The following RYR1 variants were observed in gnomAD, a reference collection of about 807,000 sequenced individuals.
RYR1 encodes central core disease of muscle.
A neutral mutation model predicts 583.5 loss-of-function variants in RYR1; 342 were observed. The ratio of observed to expected loss-of-function variants is 0.59; its 90% CI spans 0.54 to 0.64. RYR1 has a LOEUF of 0.64. RYR1 is among the 30% of genes least tolerant of loss of function. The pLI is 0.00. For synonymous variants in RYR1, 2,791 were observed against 2,822.5 expected, an observed-to-expected ratio of 0.99 and a Z score of 0.35; for missense variants, 6,032 against 6,917.2, an observed-to-expected ratio of 0.87 and a Z score of 4.54.
chr19:38,510,796 A>G lies in RYR1; in HGVS notation c.9122+15A>G, dbSNP rs1056538498. On this transcript the variant is annotated intron_variant, in intron 60 of 105. Transcript: ENST00000359596. ...ATGATCACCAGGTGGGCCGCCTGTG[A>G]CCCTGGACCCAGCCCCCTGACCTCA... 6.2e-7 allele frequency: 1 copy of G among 1,613,982 alleles called. No individual in the cohort carries two copies. Among genetic ancestry groups the G allele is most frequent in the East Asian group, 2.2e-5 (1 of 44,890 alleles).
chr19:38,507,585 G>T, intron 57 of RYR1, 127 bp from the exon 58 acceptor site: 1 of 727,740 alleles, frequency 1.4e-6, no homozygotes, highest in Non-Finnish European at 2.5e-6. Context: ...TCAGAGTGGA[G>T]CCCCAACCTG....
In RYR1 at chr19:38,457,649, G is replaced by A. The variant is rs764074598; in HGVS notation, c.1925+19G>A. On this transcript the variant is annotated intron_variant, in intron 17 of 105. Transcript: ENST00000359596. The stretch of plus-strand genomic sequence containing the variant: ...TCACCAGGTCTGGCTCTCAACATCT[G>A]ACCCCAGAACTCAGAACCTCTCAAC... The A allele has an allele frequency of 3.1e-5, 50 of 1,613,434 alleles. No homozygotes were observed. The highest frequency in any genetic ancestry group is 3.3e-4 in the Middle Eastern group (2 of 6,084).
intron 70 of RYR1, 38 bp from the exon 71 acceptor site, chr19:38,525,294 T>C (rs755868868): frequency 1.3e-6 from 2 of 1,568,542 alleles, no homozygotes; most frequent in Non-Finnish European, 1.7e-6. Flanking sequence ...GGCATGGGAT[T>C]GGGGCTTGGG....
chr19:38,457,392 C>T (rs1967469164), intron 16 of RYR1, 105 bp from the exon 17 acceptor site: 2 of 1,529,734 alleles, frequency 1.3e-6, no homozygotes, highest in Admixed American at 3.3e-5. Flanking sequence ...CACATCTTAT[C>T]CCGATGCGCT....
At chr19:38,510,400 C>A in intron 58 of RYR1, 98 bp from the exon 59 acceptor site, 1 of 1,171,830 alleles carries the variant, frequency 8.5e-7, no homozygotes, top group Non-Finnish European at 1.3e-6. Context: ...CTTTATCCCC[C>A]ATCATTTCCC....
chr19:38,536,667 CATTG>C, intron 82 of RYR1, 79 bp from the exon 83 acceptor site: 1 of 1,497,310 alleles, frequency 6.7e-7, no homozygotes, highest in Admixed American at 1.7e-5. Flanking sequence ...CCCTGACTGT[CATTG>C]TGTGTGTTTG....
chr19:38,453,094 C>T, intron 13 of RYR1, 80 bp downstream of exon 13: 2 of 1,362,326 alleles, frequency 1.5e-6, no homozygotes, highest in South Asian at 1.2e-5. Context: ...CGGCGCTGGG[C>T]GGGGCAGGGC....
chr19:38,537,360 C>T (rs1356152837), intron 83 of RYR1, among the ~76,000 whole-genome samples: 2 of 152,138 alleles, frequency 1.3e-5, no homozygotes, highest in Non-Finnish European at 2.9e-5. Flanking sequence ...GTTTACACGC[C>T]TCCCCTGTGC....
rs1555777043 is a variant in RYR1 at position 38,477,708 on chromosome 19, A to G, written c.4294-2A>G. On this transcript the variant is annotated splice_acceptor_variant, in intron 29 of 105. Coordinates refer to ENST00000359596, the MANE Select transcript of RYR1 (RefSeq NM_000540.3). LOFTEE classifies it high-confidence loss of function. Reference sequence around the variant, plus strand: ...CACTAGTTCCCCTCCTTGTGTCACCAGTACTATTACTCCGTGAGGGTCTTT... The same window carrying G: ...CACTAGTTCCCCTCCTTGTGTCACCGGTACTATTACTCCGTGAGGGTCTTT... The G allele has an allele frequency of 6.2e-7, 1 of 1,614,052 alleles. No individual in the cohort carries two copies. The highest frequency in any genetic ancestry group is 8.5e-7 in the Non-Finnish European group (1 of 1,180,006).
chr19:38,586,239 A>T lies in RYR1; in HGVS notation c.14969+48A>T, dbSNP rs774888250. ...CAGGAGGGTGGGGGGCATGGCTGCC[A>T]ATAGCCAGCAGTGGGGTACTTAGCT... On this transcript the variant is annotated intron_variant, in intron 104 of 105. Transcript: ENST00000359596. 7.8e-6 allele frequency: 12 copies of T among 1,543,338 alleles called. No homozygotes were observed. In the Admixed American group the frequency reaches 1.9e-4, roughly 24 times the overall value.
chr19:38,500,129 G>T lies in RYR1; in HGVS notation c.7323+113G>T. On this transcript the variant is annotated intron_variant, in intron 45 of 105. Coordinates refer to ENST00000359596, the MANE Select transcript of RYR1 (RefSeq NM_000540.3). This position sits in a 1 kb window ranked among gnomAD's most constrained non-coding sequence, Gnocchi z 5.9. ...GAGCTCCCATATGTGGGTGGTCCTG[G>T]ACTAGCAATGTTGGGGACACAACAG... 1 of 929,452 alleles carries T rather than the reference G, an allele frequency of 1.1e-6. No homozygotes were observed. Among genetic ancestry groups the T allele is most frequent in the South Asian group, 1.4e-5 (1 of 72,266 alleles). 57.6% of individuals were successfully genotyped at this position (929,452 alleles called of 1,614,324 possible). A position where few individuals can be genotyped will look rare whatever the true frequency, so the allele number is the denominator to read the frequency against.
chr19:38,562,778 C>T (rs564835914), intron 90 of RYR1, among the ~76,000 whole-genome samples: 4 of 152,332 alleles, frequency 2.6e-5, no homozygotes, highest in African/African-American at 9.6e-5. Flanking sequence ...CCACGTCCAC[C>T]GTGCACACTG....
chr19:38,522,840 C>T (rs919207210), intron 67 of RYR1, among the ~76,000 whole-genome samples, 188 bp from the exon 68 acceptor site: 4 of 151,130 alleles, frequency 2.6e-5, no homozygotes, highest in East Asian at 2.0e-4. Flanking sequence ...GTCCCAGCTA[C>T]TCGGGAGGCT....
At chr19:38,536,713 C>G (rs762639986) in intron 82 of RYR1, 37 bp from the exon 83 acceptor site, 2 of 1,613,604 alleles carry the variant, frequency 1.2e-6, no homozygotes, top group Admixed American at 1.7e-5. Context: ...TCTCTCTTTT[C>G]TCCTGCTTCC....
At chr19:38,497,011 G>T (rs957506878) in intron 42 of RYR1, 57 bp downstream of exon 42, 29 of 1,465,814 alleles carry the variant, frequency 2.0e-5, no homozygotes, top group Non-Finnish European at 2.7e-5. Flanking sequence ...CCGCTACCCG[G>T]CTGCTTGGGA....
At chr19:38,524,129 G>A (rs1231874831) in intron 70 of RYR1, among the ~76,000 whole-genome samples, 200 bp downstream of exon 70, 3 of 131,244 alleles carry the variant, frequency 2.3e-5, no homozygotes, top group African/African-American at 5.7e-5. Flanking sequence ...TCAGCTTTTG[G>A]CAATTTGACT....
intron 34 of RYR1, among the ~76,000 whole-genome samples, chr19:38,487,022 C>G (rs1274681412): frequency 3.3e-5 from 5 of 152,174 alleles, no homozygotes; most frequent in African/African-American, 1.2e-4. Context: ...TCTACCATTC[C>G]ATCTGTTCAT....
intron 9 of RYR1, 71 bp downstream of exon 9, chr19:38,446,839 G>T: frequency 8.2e-7 from 1 of 1,212,860 alleles, no homozygotes; most frequent in Non-Finnish European, 1.2e-6. Flanking sequence ...GGACAGAAAA[G>T]GTCTTGAGGG....
intron 11 of RYR1, among the ~76,000 whole-genome samples, chr19:38,451,172 C>T (rs1411240535): frequency 1.3e-5 from 2 of 152,194 alleles, no homozygotes; most frequent in Admixed American, 1.3e-4. Flanking sequence ...AAAAACAGGC[C>T]TGTAGTTGAA....
Sources: gnomAD v4.1 joint callset for allele counts (sites outside exome capture counted in the v4.1 genomes callset) on GRCh38, gnomAD v4.1.1 for gene constraint, Gnocchi (gnomAD v3.1) non-coding constraint, MANE v1.5 for transcripts, NCBI Gene and HGNC (gene_info 2026-07-23, HGNC 2026-07-21) for gene names.